DCN: variants seen among roughly 807,000 people sequenced by gnomAD.
DCN encodes bone proteoglycan II.
DCN carries 17 observed loss-of-function variants against 36.5 expected under a neutral mutation model. The observed-to-expected ratio is 0.47, with a 90% confidence interval of 0.32 to 0.70. The LOEUF is 0.70. Ranked by LOEUF, DCN falls within the 30% of genes least tolerant of loss-of-function variation. The probability of loss-of-function intolerance (pLI) is 0.04; values close to 1 mark genes in which losing one functional copy is unlikely to be tolerated. For synonymous variants in DCN, 163 were observed against 161.4 expected, an observed-to-expected ratio of 1.01 and a Z score of -0.07; for missense variants, 389 against 430.1, an observed-to-expected ratio of 0.90 and a Z score of 0.84.
At chr12:91,163,415 C>A (rs1350531622) in intron 3 of DCN, among the ~76,000 whole-genome samples, 1 of 152,164 alleles carries the variant, frequency 6.6e-6, no homozygotes, top group African/African-American at 2.4e-5. Context: ...GTAGATGCAA[C>A]CACACAAGAC....
chr12:91,168,512 T>G (rs1882729564), intron 2 of DCN, among the ~76,000 whole-genome samples: 1 of 152,214 alleles, frequency 6.6e-6, no homozygotes, highest in Non-Finnish European at 1.5e-5. Flanking sequence ...CATCAGCATT[T>G]TGCTCTGGCT....
intron 2 of DCN, among the ~76,000 whole-genome samples, chr12:91,166,638 T>C (rs1445171369): frequency 6.6e-6 from 1 of 152,180 alleles, no homozygotes; most frequent in Non-Finnish European, 1.5e-5. Context: ...AATGCGAAAC[T>C]GCAGATAAAA....
intron 2 of DCN, among the ~76,000 whole-genome samples, chr12:91,166,041 TTGAC>T (rs1331566475): frequency 3.3e-5 from 5 of 152,190 alleles, no homozygotes; most frequent in East Asian, 1.9e-4. Context: ...TAGCCATACT[TTGAC>T]TGTCTTCATT....
At chr12:91,179,293 T>C (rs994738327) in intron 1 of DCN, 1 of 152,534 alleles carries the variant, frequency 6.6e-6, no homozygotes, top group Non-Finnish European at 1.5e-5. Flanking sequence ...TTCCTTTTCA[T>C]TGTCACTCCA....
intron 7 of DCN, 136 bp from the exon 8 acceptor site, chr12:91,146,388 G>C: frequency 2.1e-6 from 1 of 478,516 alleles, no homozygotes; most frequent in Non-Finnish European, 3.4e-6. Flanking sequence ...ATGGAATCTT[G>C]CTTTGTCACC....
chr12:91,152,993 T>C (rs1881532171), intron 6 of DCN, 103 bp downstream of exon 6: 4 of 738,710 alleles, frequency 5.4e-6, no homozygotes, highest in Non-Finnish European at 9.9e-6. Context: ...CAGTGAAATG[T>C]AGTACACTCA....
intron 3 of DCN, among the ~76,000 whole-genome samples, chr12:91,158,791 G>A (rs1426244462): frequency 3.9e-5 from 6 of 152,074 alleles, no homozygotes; most frequent in Admixed American, 1.3e-4. Flanking sequence ...GCGAAATCCC[G>A]TCTGTATCAA....
intron 5 of DCN, 148 bp from the exon 6 acceptor site, chr12:91,153,337 C>A: frequency 1.5e-6 from 1 of 650,280 alleles, no homozygotes; most frequent in South Asian, 1.7e-5. Context: ...TTTTTTTCAT[C>A]CCTTTTATAA....
intron 3 of DCN, among the ~76,000 whole-genome samples, chr12:91,158,741 C>A (rs1224706563): frequency 6.6e-6 from 1 of 152,146 alleles, no homozygotes; most frequent in Non-Finnish European, 1.5e-5. Context: ...GTGGGAGGAT[C>A]ACTTGAGGCC....
rs1039592062 is a variant in DCN, at chr12:91,140,878, T to C, written c.*5180A>G. 6.6e-6 allele frequency: 1 copy of C among 152,284 alleles called. No individual in the cohort carries two copies. The allele number at this position is 152,284 out of a possible 1,614,324, so 9.4% of individuals were successfully genotyped here. On this transcript the variant is annotated 3_prime_UTR_variant, in exon 8 of 8. Transcript: ENST00000052754. ...TTCCAGTGGCCCAGGCCAAAATTCCTGAAGTCATCTCTGTTTCTTTTCTTT... is the reference window on the plus strand; with the variant it reads ...TTCCAGTGGCCCAGGCCAAAATTCCCGAAGTCATCTCTGTTTCTTTTCTTT...
At chr12:91,170,490 C>G (rs1431036965) in intron 2 of DCN, among the ~76,000 whole-genome samples, 1 of 152,148 alleles carries the variant, frequency 6.6e-6, no homozygotes, top group Non-Finnish European at 1.5e-5. Flanking sequence ...CTTTGGGGTG[C>G]TTGTCTACCA....
intron 3 of DCN, among the ~76,000 whole-genome samples, chr12:91,162,290 A>T (rs1882211953): frequency 6.6e-6 from 1 of 152,058 alleles, no homozygotes; most frequent in African/African-American, 2.4e-5. Context: ...TTTTAGAAAA[A>T]AATTTTTCTT....
rs1267017570 is a variant in DCN, at chr12:91,182,637, A to G, written c.-34+18T>C. On this transcript the variant is annotated intron_variant, in intron 1 of 7. Transcript: ENST00000052754. ...ATTAGTCTGTAGCAGAGTTCAGGAC[A>G]ATTATTGAAAACCATACCTTTTAAT... 1 of 151,984 alleles carries G rather than the reference A, an allele frequency of 6.6e-6. No homozygotes were observed. Among genetic ancestry groups the G allele is most frequent in the Non-Finnish European group, 1.5e-5 (1 of 67,984 alleles). The allele number at this position is 151,984 out of a possible 1,614,324, so 9.4% of individuals were successfully genotyped here. A position where few individuals can be genotyped will look rare whatever the true frequency, so the allele number is the denominator to read the frequency against.
intron 7 of DCN, among the ~76,000 whole-genome samples, chr12:91,147,647 C>A (rs1215512079): frequency 6.6e-6 from 1 of 151,940 alleles, no homozygotes; most frequent in Non-Finnish European, 1.5e-5. Flanking sequence ...AATATATACA[C>A]CTTTTAACAA....
intron 2 of DCN, among the ~76,000 whole-genome samples, chr12:91,167,460 C>CACAG (rs530187374): frequency 2.8e-5 from 4 of 144,210 alleles, no homozygotes; most frequent in Non-Finnish European, 5.9e-5. Flanking sequence ...GACACACACA[C>CACAG]ACAGACAGAC....
At chr12:91,182,011 T>C (rs1425713985) in intron 1 of DCN, among the ~76,000 whole-genome samples, 1 of 152,086 alleles carries the variant, frequency 6.6e-6, no homozygotes, top group East Asian at 1.9e-4. Flanking sequence ...CATTTTATAG[T>C]GAATGTATCT....
chr12:91,154,290 T>C (rs1226062003), intron 5 of DCN, among the ~76,000 whole-genome samples: 1 of 152,190 alleles, frequency 6.6e-6, no homozygotes, highest in Non-Finnish European at 1.5e-5. Flanking sequence ...ATTTATTGTA[T>C]GTCTGTTACG....
intron 2 of DCN, among the ~76,000 whole-genome samples, chr12:91,178,110 T>G (rs566933428): frequency 6.6e-6 from 1 of 152,074 alleles, no homozygotes; most frequent in Non-Finnish European, 1.5e-5. Flanking sequence ...TGTCCAAGAT[T>G]GCAAAGTAAT....
chr12:91,144,439 T>C lies in DCN; in HGVS notation c.*1619A>G, dbSNP rs1452719611. The C allele has an allele frequency of 6.6e-6, 1 of 152,148 alleles. No homozygotes were observed. The highest frequency in any genetic ancestry group is 1.5e-5 in the Non-Finnish European group (1 of 68,020). The allele number at this position is 152,148 out of a possible 1,614,324, so 9.4% of individuals were successfully genotyped here. ...CAACTGTAGTCATGAGAGGAGGATC[T>C]CTTGGGAGATGAAAAAGAGAAGAAA... is the stretch of plus-strand genomic sequence containing the variant. On this transcript the variant is annotated 3_prime_UTR_variant, in exon 8 of 8. Coordinates refer to ENST00000052754, the MANE Select transcript of DCN (RefSeq NM_001920.5).
Sources: gnomAD v4.1 joint callset for allele counts (sites outside exome capture counted in the v4.1 genomes callset) on GRCh38, gnomAD v4.1.1 for gene constraint, MANE v1.5 for transcripts, NCBI Gene and HGNC (gene_info 2026-07-23, HGNC 2026-07-21) for gene names.